The following ADPRHL1 variants were observed in gnomAD, a reference collection of about 807,000 sequenced individuals.
ADPRHL1 encodes the protein inactive ADP-ribosyltransferase ARH2.
A neutral mutation model predicts 44.1 loss-of-function variants in ADPRHL1; 43 were observed. The observed-to-expected ratio is 0.98, with a 90% CI of 0.76 to 1.26. The LOEUF is 1.26. ADPRHL1 is among the 50% of genes most tolerant of loss of function. The pLI is 0.00. For missense variants in ADPRHL1, 2,022 were observed against 2,496.9 expected, an observed-to-expected ratio of 0.81 and a Z score of 4.05; for synonymous variants, 878 against 1,017.4, an observed-to-expected ratio of 0.86 and a Z score of 2.61.
intron 2 of ADPRHL1, among the ~76,000 whole-genome samples, chr13:113,438,049 T>C (rs557825689): frequency 6.6e-6 from 1 of 152,132 alleles, no homozygotes; most frequent in South Asian, 2.1e-4. Context: ...CAGGCTGGTC[T>C]TGAACTCCTG....
chr13:113,448,677 C>T (rs891408858), intron 1 of ADPRHL1, among the ~76,000 whole-genome samples: 1 of 152,118 alleles, frequency 6.6e-6, no homozygotes, highest in African/African-American at 2.4e-5. Flanking sequence ...GAGGCTGTGG[C>T]CAGGTGACAC....
At chr13:113,440,193 T>C (rs1175119725) in intron 2 of ADPRHL1, among the ~76,000 whole-genome samples, 1 of 152,250 alleles carries the variant, frequency 6.6e-6, no homozygotes, top group African/African-American at 2.4e-5. Context: ...ACCTTCATGT[T>C]GAAATCACTG....
chr13:113,420,587 C>A (rs34097633), intron 7 of ADPRHL1, among the ~76,000 whole-genome samples: 1 of 151,976 alleles, frequency 6.6e-6, no homozygotes, highest in African/African-American at 2.4e-5. Flanking sequence ...CCCACACCCA[C>A]GGGTGCTGGG....
chr13:113,428,994 G>C lies in ADPRHL1; in HGVS notation c.604C>G (p.Leu202Val). The change falls in exon 4 of 8, where the codon CTG (leucine) becomes GTG (valine). Residue 202 changes from leucine (L) to valine (V), a missense_variant. Physicochemically the swap from Leu to Val is conservative, Grantham distance 32 (BLOSUM62 1). Coordinates refer to ENST00000612156, the MANE Select transcript of ADPRHL1 (RefSeq NM_001394807.1). ...GTCTTCCTGCAGTACTCTTCTGCCA[G>C]AGGCACCGCCCGCAGCATGTCTCTC... is the stretch of plus-strand genomic sequence containing the variant. ...WGRDMLRAVP[L>V]AEEYCRKTIR... 1.2e-6 allele frequency: 2 copies of C among 1,612,840 alleles called. No individual in the cohort carries two copies. Among genetic ancestry groups the C allele is most frequent in the South Asian group, 1.1e-5 (1 of 91,090 alleles).
chr13:113,446,952 A>C (rs2044143556), intron 1 of ADPRHL1, among the ~76,000 whole-genome samples: 1 of 145,098 alleles, frequency 6.9e-6, no homozygotes, highest in Non-Finnish European at 1.5e-5. Flanking sequence ...GTCTACACTC[A>C]CGGTGTTGTG....
At chr13:113,440,310 C>T (rs72666954) in intron 2 of ADPRHL1, among the ~76,000 whole-genome samples, 7,140 of 152,228 alleles carry the variant, frequency 0.047, 224 homozygotes, top group South Asian at 0.1. Flanking sequence ...TTTGTTATGT[C>T]CCCCTGATGA....
chr13:113,442,651 A>G (rs1474076382), intron 2 of ADPRHL1, among the ~76,000 whole-genome samples: 1 of 152,164 alleles, frequency 6.6e-6, no homozygotes, highest in Non-Finnish European at 1.5e-5. Flanking sequence ...CTTCAGAGCA[A>G]TCTAACTACT....
Position 113,452,169 on chromosome 13 carries a change from TG to T in ADPRHL1, c.214+1054del, listed in dbSNP as rs1566485240. Among the ~76,000 whole-genome samples the T allele has an allele frequency of 2.0e-5, 3 of 152,138 alleles. No individual in the cohort carries two copies. The South Asian group carries it at 6.2e-4, about 31-fold the overall frequency. ...TGTTCTGGGCTGCGGGGCACAAGCA[TG>T]GGGTTGCTGGTCCTAAGGGCACACG... On this transcript the variant is annotated intron_variant, in intron 1 of 7. Coordinates refer to ENST00000612156, the MANE Select transcript of ADPRHL1 (RefSeq NM_001394807.1).
At chr13:113,447,812 C>G (rs1395713603) in intron 1 of ADPRHL1, among the ~76,000 whole-genome samples, 2 of 152,178 alleles carry the variant, frequency 1.3e-5, no homozygotes, top group East Asian at 3.9e-4. Context: ...GATGGGGGTA[C>G]AGCTGCGTGG....
intron 7 of ADPRHL1, among the ~76,000 whole-genome samples, chr13:113,413,792 A>G (rs2043872906): frequency 6.6e-6 from 1 of 152,132 alleles, no homozygotes; most frequent in South Asian, 2.1e-4. Context: ...TCCCCTCAGC[A>G]CTTGGACAAG....
chr13:113,406,371 GA>G lies in ADPRHL1; in HGVS notation c.2910del (p.Pro971LeufsTer15), dbSNP rs561234742. The stretch of plus-strand genomic sequence containing the variant: ...GTCCTCTCTCCTGAAATATCGTCAG[GA>G]TTCCTGGGACCGTGTGAATTCTCAA... ...GSFENSHGPR[N>X]PDDISGERTS... On this transcript the variant is annotated frameshift_variant, in exon 8 of 8. Transcript: ENST00000612156. LOFTEE classifies it low-confidence loss of function (END_TRUNC). 7.7e-3 allele frequency: 9,524 copies of G among 1,232,116 alleles called. 46 individuals are homozygous for G. The highest frequency in any genetic ancestry group is 9.1e-3 in the Non-Finnish European group (9,000 of 987,986). 76.3% of individuals were successfully genotyped at this position (1,232,116 alleles called of 1,614,324 possible).
intron 7 of ADPRHL1, among the ~76,000 whole-genome samples, chr13:113,411,025 C>T (rs1374787812): frequency 6.6e-6 from 1 of 152,200 alleles, no homozygotes; most frequent in Non-Finnish European, 1.5e-5. Flanking sequence ...GTGAGTCATT[C>T]GGATGACTGA....
rs777697583 is a variant in ADPRHL1, at chr13:113,453,447, C to T, written c.-10G>A. On this transcript the variant is annotated 5_prime_UTR_variant, in exon 1 of 8. Transcript: ENST00000612156. The surrounding 1 kb of genome is among the most constrained non-coding windows in gnomAD (Gnocchi z 5.4). ...CCTTAAATTTCTCCATCCCAGGAGG[C>T]AGCTCCTCTTCCCCAACAGCTGCGG... 4.3e-6 allele frequency: 7 copies of T among 1,613,898 alleles called. No individual in the cohort carries two copies. Among genetic ancestry groups the T allele is most frequent in the Non-Finnish European group, 5.9e-6 (7 of 1,179,960 alleles).
At chr13:113,418,123 C>T (rs932575921) in intron 7 of ADPRHL1, among the ~76,000 whole-genome samples, 3 of 152,094 alleles carry the variant, frequency 2.0e-5, no homozygotes, top group East Asian at 1.9e-4. Context: ...TCGGATGCGT[C>T]GGGTTTAAAA....
intron 7 of ADPRHL1, among the ~76,000 whole-genome samples, chr13:113,415,439 G>A (rs1380365701): frequency 1.3e-5 from 2 of 152,148 alleles, no homozygotes; most frequent in Admixed American, 1.3e-4. Context: ...GACCAGGCAG[G>A]GTCCACCGAA....
chr13:113,447,521 T>C (rs1191636433), intron 1 of ADPRHL1, among the ~76,000 whole-genome samples: 3 of 152,178 alleles, frequency 2.0e-5, no homozygotes, highest in African/African-American at 4.8e-5. Flanking sequence ...TGTGTGTGCA[T>C]GGTGTCTACA....
intron 4 of ADPRHL1, among the ~76,000 whole-genome samples, chr13:113,428,024 G>T (rs2043979318): frequency 6.6e-6 from 1 of 152,168 alleles, no homozygotes; most frequent in Non-Finnish European, 1.5e-5. Context: ...CCAGCACTTG[G>T]GAGGCCAAGG....
chr13:113,450,644 T>C (rs1340301338), intron 1 of ADPRHL1, among the ~76,000 whole-genome samples: 2 of 152,192 alleles, frequency 1.3e-5, no homozygotes, highest in Non-Finnish European at 2.9e-5. Context: ...GGCCCTTCCC[T>C]GCCTGGCAGC....
chr13:113,419,182 C>T (rs191736771), intron 7 of ADPRHL1, among the ~76,000 whole-genome samples: 8 of 142,864 alleles, frequency 5.6e-5, no homozygotes, highest in Admixed American at 1.4e-4. Context: ...TCTCACCTCA[C>T]GGCAACCTCA....
Sources: allele counts gnomAD v4.1 joint callset (sites outside exome capture counted in the v4.1 genomes callset), GRCh38; gene constraint gnomAD v4.1.1; non-coding constraint Gnocchi (gnomAD v3.1); transcripts MANE v1.5; gene names NCBI Gene and HGNC (gene_info 2026-07-23, HGNC 2026-07-21).